Variants in NRXN1 observed in about 807,000 individuals in gnomAD.
NRXN1 encodes neurexin-1.
NRXN1 carries 39 observed loss-of-function variants against 150.9 expected under a neutral mutation model. The observed-to-expected ratio is 0.26, with a 90% confidence interval of 0.20 to 0.34. The LOEUF (loss-of-function observed/expected upper bound fraction) is 0.34. NRXN1 is among the 10% of genes least tolerant of loss of function. The pLI, the probability that NRXN1 is intolerant of heterozygous loss-of-function variation, is 1.00. For missense variants in NRXN1, 1,815 were observed against 1,949.9 expected, an observed-to-expected ratio of 0.93 and a Z score of 1.30; for synonymous variants, 924 against 757.0, an observed-to-expected ratio of 1.22 and a Z score of -3.62.
At chr2:50,796,396 T>A (rs529980843) in intron 5 of NRXN1, among the ~76,000 whole-genome samples, 3 of 152,124 alleles carry the variant, frequency 2.0e-5, no homozygotes, top group Non-Finnish European at 2.9e-5. Flanking sequence ...GGGTAATATA[T>A]GTGTTGCAAA....
intron 18 of NRXN1, among the ~76,000 whole-genome samples, chr2:50,172,343 C>A (rs1574309034): frequency 1.3e-5 from 2 of 152,142 alleles, no homozygotes; most frequent in East Asian, 1.9e-4. Flanking sequence ...AACTAATGAA[C>A]TGAGCCTAAC....
intron 8 of NRXN1, chr2:50,588,843 T>C (rs1043170989): frequency 6.6e-6 from 1 of 152,146 alleles, no homozygotes; most frequent in Non-Finnish European, 1.5e-5. Context: ...CCAGTGGAAA[T>C]GGCGATAATT....
intron 21 of NRXN1, among the ~76,000 whole-genome samples, chr2:50,032,395 G>C (rs1357503804): frequency 3.3e-5 from 5 of 152,026 alleles, no homozygotes; most frequent in Non-Finnish European, 5.9e-5. Context: ...GACTAGTTGG[G>C]AAATTGTTTT....
At chr2:50,910,174 A>G (rs1558404885) in intron 5 of NRXN1, among the ~76,000 whole-genome samples, 1 of 152,044 alleles carries the variant, frequency 6.6e-6, no homozygotes. Context: ...TATACAAAGG[A>G]TAACTGTCTT....
At chr2:49,968,426 C>T (rs9679140) in intron 21 of NRXN1, among the ~76,000 whole-genome samples, 62,986 of 151,828 alleles carry the variant, frequency 0.41, 13,532 homozygotes, top group South Asian at 0.53. Flanking sequence ...AGCATGAAAC[C>T]GGCTTTTAAG....
intron 5 of NRXN1, among the ~76,000 whole-genome samples, chr2:50,644,518 C>T (rs1184745130): frequency 6.6e-6 from 1 of 151,402 alleles, no homozygotes; most frequent in Non-Finnish European, 1.5e-5. Flanking sequence ...TCTCTATGAC[C>T]CTACAGTCCG....
At chr2:49,924,828 A>G (rs1343540617) in intron 22 of NRXN1, among the ~76,000 whole-genome samples, 1 of 152,232 alleles carries the variant, frequency 6.6e-6, no homozygotes, top group African/African-American at 2.4e-5. Flanking sequence ...TCTTTTCCCC[A>G]GATTCACATT....
intron 2 of NRXN1, among the ~76,000 whole-genome samples, chr2:50,948,378 T>C (rs1410853795): frequency 6.6e-6 from 1 of 152,056 alleles, no homozygotes; most frequent in African/African-American, 2.4e-5. Flanking sequence ...TGCTAATCCC[T>C]GGATGCCTTT....
intron 2 of NRXN1, among the ~76,000 whole-genome samples, chr2:50,991,488 T>C (rs959065995): frequency 2.0e-5 from 3 of 152,014 alleles, no homozygotes; most frequent in African/African-American, 7.2e-5. Context: ...TCAACTATGG[T>C]CCTACTGCAA....
intron 18 of NRXN1, among the ~76,000 whole-genome samples, chr2:50,224,654 T>A (rs1157330394): frequency 1.4e-5 from 2 of 146,650 alleles, no homozygotes; most frequent in African/African-American, 5.1e-5. Context: ...GTGTTAGAGG[T>A]TGGCACAGCA....
intron 21 of NRXN1, among the ~76,000 whole-genome samples, chr2:50,013,999 A>T (rs1361667684): frequency 1.3e-5 from 2 of 152,126 alleles, no homozygotes; most frequent in African/African-American, 4.8e-5. Flanking sequence ...GAAGGGAAGC[A>T]ATGTGGATAA....
chr2:50,617,204 C>T (rs1330058847), intron 8 of NRXN1, among the ~76,000 whole-genome samples: 7 of 151,826 alleles, frequency 4.6e-5, no homozygotes, highest in Non-Finnish European at 8.8e-5. Flanking sequence ...GAGGCCAAGG[C>T]GGGCAGATCA....
At chr2:50,627,483 G>A (rs1681356729) in intron 5 of NRXN1, among the ~76,000 whole-genome samples, 2 of 151,130 alleles carry the variant, frequency 1.3e-5, no homozygotes, top group African/African-American at 2.4e-5. Context: ...ACTAAAGGTT[G>A]CTGGGACTAT....
intron 21 of NRXN1, among the ~76,000 whole-genome samples, chr2:50,000,607 T>G (rs145658946): frequency 2.0e-5 from 3 of 152,302 alleles, no homozygotes; most frequent in African/African-American, 4.8e-5. Flanking sequence ...TTATATAAAG[T>G]TGCTCTGCAT....
intron 18 of NRXN1, among the ~76,000 whole-genome samples, chr2:50,167,505 T>C (rs1012134653): frequency 3.1e-4 from 47 of 151,340 alleles, no homozygotes; most frequent in Admixed American, 9.2e-4. Context: ...AGTGCAAGGA[T>C]AAGCTCCAGT....
At chr2:50,040,819 A>C (rs1257089047) in intron 21 of NRXN1, among the ~76,000 whole-genome samples, 1 of 152,158 alleles carries the variant, frequency 6.6e-6, no homozygotes, top group African/African-American at 2.4e-5. Flanking sequence ...AATTTGAGTT[A>C]TCATCCATTT....
At chr2:49,985,858 C>T (rs574762913) in intron 21 of NRXN1, among the ~76,000 whole-genome samples, 104 of 152,290 alleles carry the variant, frequency 6.8e-4, no homozygotes, top group Non-Finnish European at 1.1e-3. Flanking sequence ...GGAAGTTAAA[C>T]CATTATTAGT....
intron 5 of NRXN1, among the ~76,000 whole-genome samples, chr2:50,762,562 G>C (rs1701922695): frequency 6.6e-6 from 1 of 151,666 alleles, no homozygotes; most frequent in African/African-American, 2.4e-5. Flanking sequence ...CCAATGTTTA[G>C]CTTCCACTTA....
At position 50,154,105 on chromosome 2, in the gene NRXN1, G is replaced by A. The variant is rs141966801; in HGVS notation, c.3547-62611C>T. On this transcript the variant is annotated intron_variant, in intron 18 of 22. Transcript: ENST00000401669. ...GTTACTTCAGACAGATTGTATCAGT[G>A]CAATTATTGTCTATATAAAAAGACA... Among the ~76,000 whole-genome samples, 350 of 151,818 alleles carry A rather than the reference G, an allele frequency of 2.3e-3. 1 individual carries two copies. The highest frequency in any genetic ancestry group is 8.2e-3 in the African/African-American group (341 of 41,470).
Sources: gnomAD v4.1 joint callset for allele counts (sites outside exome capture counted in the v4.1 genomes callset) on GRCh38, gnomAD v4.1.1 for gene constraint, MANE v1.5 for transcripts, NCBI Gene and HGNC (gene_info 2026-07-23, HGNC 2026-07-21) for gene names.